PPP2R5D: variants seen among roughly 807,000 people sequenced by gnomAD.
The protein encoded by PPP2R5D is protein phosphatase 2 regulatory subunit B'delta.
PPP2R5D carries 12 observed loss-of-function variants against 79.1 expected under a neutral mutation model. That is an observed-to-expected ratio of 0.15 (90% CI 0.10 to 0.25). The LOEUF (loss-of-function observed/expected upper bound fraction) is 0.25. Among genes scored for constraint, PPP2R5D ranks in the 10% least tolerant of loss-of-function variants. The pLI is 1.00. For missense variants in PPP2R5D, 419 were observed against 760.2 expected (o/e 0.55, Z 5.28); for synonymous variants, 277 against 286.6 (o/e 0.97, Z 0.34).
chr6:43,006,895 G>A lies in PPP2R5D; in HGVS notation c.323-16G>A, dbSNP rs1303379329. ...AAGGACTACAGAGGAGAACCTGACT[G>A]CTGGGGCCCCCACAGATTCGCCAAC... is the stretch of plus-strand genomic sequence containing the variant. On this transcript the variant is annotated splice_polypyrimidine_tract_variant and intron_variant, in intron 3 of 15. Coordinates refer to ENST00000485511, the MANE Select transcript of PPP2R5D (RefSeq NM_006245.4). The surrounding 1 kb of genome is among the most constrained non-coding windows in gnomAD (Gnocchi z 4.7). 1.2e-6 allele frequency: 2 copies of A among 1,613,288 alleles called. No homozygotes were observed. Among genetic ancestry groups the A allele is most frequent in the Non-Finnish European group, 1.7e-6 (2 of 1,180,012 alleles).
At chr6:42,986,405 C>T (rs564871732) in intron 1 of PPP2R5D, among the ~76,000 whole-genome samples, 1 of 152,186 alleles carries the variant, frequency 6.6e-6, no homozygotes, top group African/African-American at 2.4e-5. Context: ...GCTGCCATCT[C>T]TGACCTTTTC....
Position 43,012,180 on chromosome 6 carries a change from G to T in PPP2R5D, c.*894G>T. 8.9e-7 allele frequency: 1 copy of T among 1,120,284 alleles called. No homozygotes were observed. Among genetic ancestry groups the T allele is most frequent in the Non-Finnish European group, 1.1e-6 (1 of 916,742 alleles). 69.4% of individuals were successfully genotyped at this position (1,120,284 alleles called of 1,614,324 possible). A position where few individuals can be genotyped will look rare whatever the true frequency, so the allele number is the denominator to read the frequency against. On this transcript the variant is annotated 3_prime_UTR_variant, in exon 16 of 16. Coordinates refer to ENST00000485511, the MANE Select transcript of PPP2R5D (RefSeq NM_006245.4). ...TTATAGGTACCTTGGAGGGGCCAGG[G>T]GCTGAGGAAGGCCGGACCCAGGTTC...
At position 43,007,843 on chromosome 6, in the gene PPP2R5D, C is replaced by T; in HGVS notation, c.727-92C>T. Reference sequence around the variant, plus strand: ...TGCTGGCCCCCACTCCAGGGGACCTCTGCATTTCCCCTGGCGGGACCTATG... The same window carrying T: ...TGCTGGCCCCCACTCCAGGGGACCTTTGCATTTCCCCTGGCGGGACCTATG... On this transcript the variant is annotated intron_variant, in intron 6 of 15. Transcript: ENST00000485511. This position sits in a 1 kb window ranked among gnomAD's most constrained non-coding sequence, Gnocchi z 4.5. 4 of 1,521,234 alleles carry T rather than the reference C, an allele frequency of 2.6e-6. No individual in the cohort carries two copies. Among genetic ancestry groups the T allele is most frequent in the Admixed American group, 1.7e-5 (1 of 58,762 alleles). 94.2% of individuals were successfully genotyped at this position (1,521,234 alleles called of 1,614,324 possible).
chr6:42,992,105 G>T (rs1771303432), intron 2 of PPP2R5D, among the ~76,000 whole-genome samples: 1 of 151,990 alleles, frequency 6.6e-6, no homozygotes, highest in Admixed American at 6.6e-5. Context: ...TGTCGCCCAG[G>T]CTGGAGTGCA....
chr6:42,988,689 C>A (rs1771030806), intron 1 of PPP2R5D, among the ~76,000 whole-genome samples: 1 of 152,172 alleles, frequency 6.6e-6, no homozygotes, highest in Non-Finnish European at 1.5e-5. Context: ...TTGTCATGGC[C>A]CCTCCCAAGC....
chr6:42,998,780 A>G (rs1033559528), intron 2 of PPP2R5D, among the ~76,000 whole-genome samples: 3 of 152,142 alleles, frequency 2.0e-5, no homozygotes, highest in Non-Finnish European at 2.9e-5. Context: ...CACGCCTGTA[A>G]TCCCAGCACT....
rs70990164 is a variant in PPP2R5D at position 42,990,699 on chromosome 6, C to CTTTTTTTTT, written c.105+1030_105+1038dup. On this transcript the variant is annotated intron_variant, in intron 2 of 15. Transcript: ENST00000485511. ...TCCTCTGCACTTATGCAGTATTCTA[C>CTTTTTTTTT]TTTTTTTTTTTTTTTTTTTTTTTTT... Among the ~76,000 whole-genome samples, 49 of 51,600 alleles carry CTTTTTTTTT rather than the reference C, an allele frequency of 9.5e-4. 4 individuals carry two copies. The highest frequency in any genetic ancestry group is 1.4e-3 in the Non-Finnish European group (42 of 29,664). 33.9% of individuals were successfully genotyped at this position (51,600 alleles called of 152,430 possible).
At chr6:42,998,057 A>ATTTTTTT (rs1163890447) in intron 2 of PPP2R5D, among the ~76,000 whole-genome samples, 5 of 12,794 alleles carry the variant, frequency 3.9e-4, no homozygotes, top group African/African-American at 6.7e-4. Context: ...ATATATATAT[A>ATTTTTTT]TTTTTTTTTT....
At chr6:42,995,195 A>G (rs956194385) in intron 2 of PPP2R5D, among the ~76,000 whole-genome samples, 6 of 147,194 alleles carry the variant, frequency 4.1e-5, no homozygotes, top group Non-Finnish European at 5.9e-5. Flanking sequence ...CAGTGGTACA[A>G]TCATGGCTCA....
chr6:42,993,715 A>C (rs75112222), intron 2 of PPP2R5D, among the ~76,000 whole-genome samples: 7 of 152,080 alleles, frequency 4.6e-5, no homozygotes, highest in Non-Finnish European at 5.9e-5. Flanking sequence ...TCTCTGTCCA[A>C]ATTTTCCTCT....
At chr6:42,998,053 ATATATTTTTTTTTTTTTTTTTTT>A (rs1341554467) in intron 2 of PPP2R5D, among the ~76,000 whole-genome samples, 5 of 18,600 alleles carry the variant, frequency 2.7e-4, no homozygotes, top group Non-Finnish European at 4.1e-4. Context: ...ATATATATAT[ATATATTTTTTTTTTTTTTTTTTT>A]TTTTTTTTTT....
At position 43,006,934 on chromosome 6, in the gene PPP2R5D, G is replaced by A. The variant is rs1762119629; in HGVS notation, c.346G>A (p.Glu116Lys). The A allele has an allele frequency of 6.2e-7, 1 of 1,614,076 alleles. No individual in the cohort carries two copies. The highest frequency in any genetic ancestry group is 8.5e-7 in the Non-Finnish European group (1 of 1,180,028). Reference sequence around the variant, plus strand: ...AGATTCGCCAACCCAGGAGCGGGAGGAGCTGTTTATCCAGAAGCTACGCCA... The same window carrying A: ...AGATTCGCCAACCCAGGAGCGGGAGAAGCTGTTTATCCAGAAGCTACGCCA... ...LKDSPTQERE[E>K]LFIQKLRQCC... The change falls in exon 4 of 16, where the codon GAG becomes AAG. Residue 116 changes from glutamate (E) to lysine (K), a missense_variant. Glu to Lys is a moderately conservative substitution (Grantham distance 56). Transcript: ENST00000485511. The surrounding 1 kb of genome is among the most constrained non-coding windows in gnomAD (Gnocchi z 4.7).
intron 2 of PPP2R5D, among the ~76,000 whole-genome samples, chr6:42,993,363 G>A (rs61434047): frequency 0.02 from 3,049 of 151,608 alleles, 108 homozygotes; most frequent in African/African-American, 0.069. Flanking sequence ...CCCAGCTACT[G>A]GGGAGGCTGA....
In PPP2R5D at chr6:43,008,083, G is replaced by A. The variant is rs756583553; in HGVS notation, c.857+18G>A. The A allele has an allele frequency of 5.0e-6, 8 of 1,614,012 alleles. No homozygotes were observed. The highest frequency in any genetic ancestry group is 4.0e-5 in the African/African-American group (3 of 74,920). On this transcript the variant is annotated intron_variant, in intron 7 of 15. Coordinates refer to ENST00000485511, the MANE Select transcript of PPP2R5D (RefSeq NM_006245.4). This position sits in a 1 kb window ranked among gnomAD's most constrained non-coding sequence, Gnocchi z 4.2. ...TTCTACAGGTGAGGCCAGGAGCCCA[G>A]GCTTAGGAGCAAAACCTTCTGCTAC... is the stretch of plus-strand genomic sequence containing the variant.
In PPP2R5D at chr6:43,006,483, C is replaced by T. The variant is rs1344853175; in HGVS notation, c.126C>T (p.Pro42=). 3.7e-6 allele frequency: 6 copies of T among 1,613,310 alleles called. No homozygotes were observed. The highest frequency in any genetic ancestry group is 5.1e-6 in the Non-Finnish European group (6 of 1,179,800). The change falls in exon 3 of 16, where the codon CCC becomes CCT. Residue 42 remains proline, a synonymous_variant. Transcript: ENST00000485511. This position sits in a 1 kb window ranked among gnomAD's most constrained non-coding sequence, Gnocchi z 4.7. ...ACCAGGCCCAGCCGCAGCCCCAGCC[C>T]CAGCCCCAGCCCCAAGCCCAGTCTC... is the stretch of plus-strand genomic sequence containing the variant. ...NTEEAQPQPQ[P]QPQPQAQSQP... is the part of the protein sequence containing the mutation.
At chr6:42,988,701 T>A (rs184322026) in intron 1 of PPP2R5D, among the ~76,000 whole-genome samples, 1 of 152,196 alleles carries the variant, frequency 6.6e-6, no homozygotes, top group African/African-American at 2.4e-5. Flanking sequence ...CTCCCAAGCC[T>A]GATGCTCATG....
intron 1 of PPP2R5D, 120 bp from the exon 2 acceptor site, chr6:42,989,491 G>T (rs1353311314): frequency 3.6e-6 from 3 of 832,078 alleles, no homozygotes; most frequent in Non-Finnish European, 1.9e-6. Flanking sequence ...GCACAAGGTA[G>T]ATTCTAATTG....
In PPP2R5D at chr6:43,006,816, G is replaced by T. The variant is rs1356087267; in HGVS notation, c.323-95G>T. 3.2e-6 allele frequency: 5 copies of T among 1,573,860 alleles called. No homozygotes were observed. The highest frequency in any genetic ancestry group is 4.3e-6 in the Non-Finnish European group (5 of 1,150,608). On this transcript the variant is annotated intron_variant, in intron 3 of 15. Coordinates refer to ENST00000485511, the MANE Select transcript of PPP2R5D (RefSeq NM_006245.4). The surrounding 1 kb of genome is among the most constrained non-coding windows in gnomAD (Gnocchi z 4.7). ...GGAAGGGGGTGCCAGGGAGCAGGAT[G>T]GTGGCAGGGTGGGGTAAGGGAAAGC...
rs1350070952 is a variant in PPP2R5D at position 42,986,667 on chromosome 6, CAG to C, written c.27+1964_27+1965del. Among the ~76,000 whole-genome samples, 5 of 152,100 alleles carry C rather than the reference CAG, an allele frequency of 3.3e-5. No homozygotes were observed. The Middle Eastern group carries it at 0.01, about 310-fold the overall frequency. On this transcript the variant is annotated intron_variant, in intron 1 of 15. Coordinates refer to ENST00000485511, the MANE Select transcript of PPP2R5D (RefSeq NM_006245.4). ...CAATGCACACAGAAATCAGCCACAA[CAG>C]GGGCTAAGGGAAATGGAATTCGGGG...
Sources: allele counts gnomAD v4.1 joint callset (sites outside exome capture counted in the v4.1 genomes callset), GRCh38; gene constraint gnomAD v4.1.1; non-coding constraint Gnocchi (gnomAD v3.1); transcripts MANE v1.5; gene names NCBI Gene and HGNC (gene_info 2026-07-23, HGNC 2026-07-21).